The following NPEPPS variants were observed in gnomAD, a reference collection of about 807,000 sequenced individuals.
The protein encoded by NPEPPS is aminopeptidase puromycin sensitive, also known as puromycin-sensitive aminopeptidase.
In NPEPPS, 14 loss-of-function variants were observed where a neutral mutation model predicts 115.5. The ratio of observed to expected loss-of-function variants is 0.12; its 90% CI spans 0.08 to 0.19. The LOEUF (loss-of-function observed/expected upper bound fraction) is 0.19. NPEPPS is among the 10% of genes least tolerant of loss of function. NPEPPS has a pLI of 1.00. For synonymous variants in NPEPPS, 285 were observed against 390.6 expected, an observed-to-expected ratio of 0.73 and a Z score of 3.19; for missense variants, 523 against 1,110.8, an observed-to-expected ratio of 0.47 and a Z score of 7.52.
chr17:47,567,268 T>G (rs1041203523), intron 2 of NPEPPS, among the ~76,000 whole-genome samples: 53 of 152,340 alleles, frequency 3.5e-4, no homozygotes, highest in African/African-American at 1.3e-3. Flanking sequence ...ATTAAAGTTC[T>G]TTTAAAATCT....
upstream of NPEPPS, among the ~76,000 whole-genome samples, chr17:47,526,579 G>T (rs1296784568): frequency 4.6e-5 from 7 of 152,324 alleles, no homozygotes; most frequent in African/African-American, 1.7e-4. Flanking sequence ...AGCCTTAAAT[G>T]GTTATGAATG....
chr17:47,587,741 A>C (rs2611863), intron 9 of NPEPPS, among the ~76,000 whole-genome samples: 7 of 152,228 alleles, frequency 4.6e-5, no homozygotes, highest in Non-Finnish European at 1.0e-4. Flanking sequence ...ATGAATAACA[A>C]ACTGATCTTT....
chr17:47,544,905 A>G (rs1487323593), intron 1 of NPEPPS, among the ~76,000 whole-genome samples: 21 of 149,020 alleles, frequency 1.4e-4, no homozygotes, highest in African/African-American at 5.0e-4. Flanking sequence ...GGGTTACACC[A>G]TGTTGGCCAG....
At chr17:47,546,630 G>A (rs566151087) in intron 2 of NPEPPS, among the ~76,000 whole-genome samples, 2 of 152,084 alleles carry the variant, frequency 1.3e-5, no homozygotes, top group South Asian at 2.1e-4. Context: ...TCTCTGCCTC[G>A]TGGGTTCAAG....
upstream of NPEPPS, among the ~76,000 whole-genome samples, chr17:47,527,900 A>G (rs1301543476): frequency 1.4e-5 from 2 of 147,702 alleles, no homozygotes; most frequent in Admixed American, 1.4e-4. Context: ...AGGAGCCAAT[A>G]TCATGCCATT....
intron 4 of NPEPPS, chr17:47,581,921 C>T (rs1911904433): frequency 6.6e-6 from 1 of 152,260 alleles, no homozygotes; most frequent in African/African-American, 2.4e-5. Context: ...GTCTCTAACT[C>T]CTGACCTCAG....
intron 1 of NPEPPS, among the ~76,000 whole-genome samples, chr17:47,534,291 C>A (rs958206103): frequency 6.6e-6 from 1 of 152,014 alleles, no homozygotes; most frequent in Non-Finnish European, 1.5e-5. Flanking sequence ...CAGGGTTTTA[C>A]TGTGGTCTCG....
At chr17:47,577,261 A>G in intron 3 of NPEPPS, 1 of 422,762 alleles carries the variant, frequency 2.4e-6, no homozygotes, top group South Asian at 1.8e-5. Flanking sequence ...ATTATATTTA[A>G]AAAACATCTT....
intron 2 of NPEPPS, among the ~76,000 whole-genome samples, chr17:47,566,390 CTT>C (rs796968943): frequency 6.7e-6 from 1 of 148,940 alleles, no homozygotes; most frequent in Non-Finnish European, 1.5e-5. Context: ...ATGCTGAACA[CTT>C]TTTTTATGTG....
At chr17:47,556,851 C>G (rs1447601587) in intron 2 of NPEPPS, among the ~76,000 whole-genome samples, 1 of 152,198 alleles carries the variant, frequency 6.6e-6, no homozygotes, top group Non-Finnish European at 1.5e-5. Flanking sequence ...CCCACGTTGG[C>G]CAGGCTGGTC....
chr17:47,606,914 G>T (rs1010050417), intron 17 of NPEPPS, among the ~76,000 whole-genome samples: 3 of 152,084 alleles, frequency 2.0e-5, no homozygotes, highest in Non-Finnish European at 4.4e-5. Context: ...AAATAAAGTT[G>T]CCAGGGGTGG....
intron 2 of NPEPPS, among the ~76,000 whole-genome samples, chr17:47,556,920 G>A (rs1039650294): frequency 3.9e-5 from 6 of 152,186 alleles, no homozygotes; most frequent in African/African-American, 1.4e-4. Flanking sequence ...GGGATTACAG[G>A]CATGAGCCAC....
chr17:47,604,441 G>A (rs1405749710), intron 16 of NPEPPS, among the ~76,000 whole-genome samples: 3 of 152,120 alleles, frequency 2.0e-5, no homozygotes, highest in African/African-American at 7.2e-5. Context: ...TTTAAACATT[G>A]TGTTCTTATT....
At chr17:47,613,973 ATT>A (rs1567872551) in intron 19 of NPEPPS, among the ~76,000 whole-genome samples, 1 of 150,346 alleles carries the variant, frequency 6.7e-6, no homozygotes. Flanking sequence ...CTGAAATCTT[ATT>A]ATTATTTTTT....
chr17:47,555,107 C>T (rs1381841143), intron 2 of NPEPPS, among the ~76,000 whole-genome samples: 2 of 152,140 alleles, frequency 1.3e-5, no homozygotes, highest in African/African-American at 2.4e-5. Flanking sequence ...ATCCTATTAA[C>T]TTTATGGGTA....
At chr17:47,537,670 C>CA (rs755610051) in intron 1 of NPEPPS, among the ~76,000 whole-genome samples, 6 of 151,668 alleles carry the variant, frequency 4.0e-5, no homozygotes, top group Non-Finnish European at 8.8e-5. Flanking sequence ...CATTGCACTC[C>CA]AGCCGGGGTG....
chr17:47,557,953 T>G (rs898278679), intron 2 of NPEPPS, among the ~76,000 whole-genome samples: 1 of 148,350 alleles, frequency 6.7e-6, no homozygotes, highest in Non-Finnish European at 1.5e-5. Flanking sequence ...TTTTTTTTTG[T>G]ACAGTCTCTG....
At chr17:47,541,467 C>G (rs529992231) in intron 1 of NPEPPS, among the ~76,000 whole-genome samples, 141 of 152,096 alleles carry the variant, frequency 9.3e-4, no homozygotes, top group African/African-American at 3.1e-3. Context: ...ACCTCCGCCT[C>G]CTGGGTTCAA....
chr17:47,570,047 C>T (rs1209838155), intron 3 of NPEPPS, among the ~76,000 whole-genome samples: 3 of 152,148 alleles, frequency 2.0e-5, no homozygotes, highest in Non-Finnish European at 4.4e-5. Flanking sequence ...AACGAACAAG[C>T]CAAGAAAAAC....
Sources: allele counts gnomAD v4.1 joint callset (sites outside exome capture counted in the v4.1 genomes callset), GRCh38; gene constraint gnomAD v4.1.1; transcripts MANE v1.5; gene names NCBI Gene and HGNC (gene_info 2026-07-23, HGNC 2026-07-21).